Variants in GRAMD1B observed in about 807,000 individuals in gnomAD.
GRAMD1B encodes the protein GRAM domain containing 1B.
A neutral mutation model predicts 99.7 loss-of-function variants in GRAMD1B; 37 were observed. The observed-to-expected ratio is 0.37, with a 90% CI of 0.29 to 0.49. The LOEUF is 0.49. Ranked by LOEUF, GRAMD1B falls within the 20% of genes least tolerant of loss-of-function variation. GRAMD1B has a pLI of 0.98. For synonymous variants in GRAMD1B, 427 were observed against 387.6 expected (o/e 1.10, Z -1.19); for missense variants, 888 against 1,009.2 (o/e 0.88, Z 1.63).
intron 2 of GRAMD1B, among the ~76,000 whole-genome samples, chr11:123,531,662 A>G (rs879542764): frequency 5.9e-5 from 9 of 151,266 alleles, no homozygotes; most frequent in Non-Finnish European, 1.2e-4. Flanking sequence ...TCTTCGGAAG[A>G]CTGGACATTT....
rs796897213 is a variant in GRAMD1B at position 123,563,506 on chromosome 11, CT to C, written c.453-13847del. ...AGTGCAATATAACAGAGGGTTTTTT[CT>C]TTTTTTTTTTTTTCTTTTTTTTGAG... is the stretch of plus-strand genomic sequence containing the variant. On this transcript the variant is annotated intron_variant, in intron 2 of 19. Transcript: ENST00000635736. Among the ~76,000 whole-genome samples the C allele has an allele frequency of 1.1e-3, 155 of 140,866 alleles. 1 individual carries two copies. The highest frequency in any genetic ancestry group is 5.5e-3 in the South Asian group (24 of 4,378). 92.4% of individuals were successfully genotyped at this position (140,866 alleles called of 152,430 possible). A position where few individuals can be genotyped will look rare whatever the true frequency, so the allele number is the denominator to read the frequency against.
intron 3 of GRAMD1B, among the ~76,000 whole-genome samples, chr11:123,580,297 A>C (rs1269353829): frequency 2.6e-5 from 4 of 152,198 alleles, no homozygotes; most frequent in African/African-American, 9.6e-5. Context: ...ATGGTGCGGC[A>C]AAAAGAGGAG....
chr11:123,568,471 A>G (rs1450966883), intron 2 of GRAMD1B, among the ~76,000 whole-genome samples: 3 of 152,220 alleles, frequency 2.0e-5, no homozygotes, highest in Admixed American at 2.0e-4. Flanking sequence ...CCATTTGGAA[A>G]GGCCTCCAGG....
At chr11:123,378,439 A>AGTGCACT (rs1192070674) in intron 1 of GRAMD1B, among the ~76,000 whole-genome samples, 1 of 152,190 alleles carries the variant, frequency 6.6e-6, no homozygotes, top group East Asian at 1.9e-4. Context: ...TGCACTGTCT[A>AGTGCACT]AGGCTTTTAT....
At chr11:123,579,872 A>G (rs1157763889) in intron 3 of GRAMD1B, among the ~76,000 whole-genome samples, 1 of 152,190 alleles carries the variant, frequency 6.6e-6, no homozygotes, top group African/African-American at 2.4e-5. Context: ...AGATGCTAAA[A>G]GGAGACATAA....
intron 8 of GRAMD1B, among the ~76,000 whole-genome samples, chr11:123,602,780 T>C (rs1952146720): frequency 6.6e-6 from 1 of 152,206 alleles, no homozygotes; most frequent in Non-Finnish European, 1.5e-5. Flanking sequence ...AACTAATGCA[T>C]AGAACTGCAG....
At chr11:123,514,196 T>C (rs1941448417) in intron 2 of GRAMD1B, among the ~76,000 whole-genome samples, 1 of 152,154 alleles carries the variant, frequency 6.6e-6, no homozygotes, top group African/African-American at 2.4e-5. Flanking sequence ...CAAGAAGAAT[T>C]ACTTGACTGG....
intron 1 of GRAMD1B, among the ~76,000 whole-genome samples, chr11:123,415,923 G>A (rs1027066578): frequency 6.6e-6 from 1 of 152,158 alleles, no homozygotes; most frequent in Non-Finnish European, 1.5e-5. Flanking sequence ...ATCTGCCATT[G>A]CAGTAGCTCA....
chr11:123,439,699 C>T (rs1949321861), intron 1 of GRAMD1B, among the ~76,000 whole-genome samples: 1 of 152,156 alleles, frequency 6.6e-6, no homozygotes, highest in African/African-American at 2.4e-5. Flanking sequence ...AGGGTCAGAG[C>T]TGAAACTCAG....
At chr11:123,518,659 G>A (rs919949212) in intron 2 of GRAMD1B, among the ~76,000 whole-genome samples, 7 of 152,150 alleles carry the variant, frequency 4.6e-5, no homozygotes, top group African/African-American at 7.2e-5. Flanking sequence ...CTAAGCCTGC[G>A]TGTCTTGTGT....
At chr11:123,377,416 G>A (rs1591379805) in intron 1 of GRAMD1B, among the ~76,000 whole-genome samples, 2 of 152,296 alleles carry the variant, frequency 1.3e-5, no homozygotes, top group East Asian at 3.9e-4. Flanking sequence ...TGCGTGGTGG[G>A]TGCAGGAAAA....
At chr11:123,370,194 A>G (rs1469309827) in intron 1 of GRAMD1B, among the ~76,000 whole-genome samples, 3 of 151,536 alleles carry the variant, frequency 2.0e-5, no homozygotes, top group Admixed American at 2.0e-4. Context: ...GCATGCCTGT[A>G]AGTCCTAGCT....
intron 1 of GRAMD1B, among the ~76,000 whole-genome samples, chr11:123,398,795 A>G (rs1434258716): frequency 6.6e-6 from 1 of 152,206 alleles, no homozygotes; most frequent in Non-Finnish European, 1.5e-5. Flanking sequence ...AAAGCTGTAC[A>G]TATTTAATGT....
chr11:123,613,682 C>T (rs377541410), intron 16 of GRAMD1B, 24 bp downstream of exon 16: 67 of 1,590,154 alleles, frequency 4.2e-5, no homozygotes, highest in Non-Finnish European at 5.1e-5. Context: ...GGGGACAGGT[C>T]GGGTGGACTA....
At chr11:123,574,077 A>T (rs930833283) in intron 2 of GRAMD1B, among the ~76,000 whole-genome samples, 5 of 107,618 alleles carry the variant, frequency 4.6e-5, no homozygotes, top group African/African-American at 1.2e-4. Flanking sequence ...GAACAGAATT[A>T]AAAAAAAAAA....
intron 1 of GRAMD1B, among the ~76,000 whole-genome samples, chr11:123,466,351 AAAG>A (rs1173862669): frequency 2.1e-4 from 28 of 134,290 alleles, no homozygotes; most frequent in African/African-American, 8.0e-4. Context: ...GGAAGGAAGG[AAAG>A]AAGGAAGGAA....
intron 1 of GRAMD1B, among the ~76,000 whole-genome samples, chr11:123,467,430 GGTT>G (rs1396392186): frequency 2.7e-5 from 3 of 113,196 alleles, no homozygotes; most frequent in African/African-American, 1.0e-4. Flanking sequence ...GACTTTCACT[GGTT>G]GTGCCTAAAT....
chr11:123,542,052 T>G (rs1295872505), intron 2 of GRAMD1B, among the ~76,000 whole-genome samples: 1 of 152,256 alleles, frequency 6.6e-6, no homozygotes, highest in Non-Finnish European at 1.5e-5. Flanking sequence ...CCCATATTTT[T>G]CATTAGCTTT....
intron 2 of GRAMD1B, among the ~76,000 whole-genome samples, chr11:123,567,629 G>T (rs1421668837): frequency 3.3e-5 from 5 of 152,178 alleles, no homozygotes. Context: ...TTGTCTCCAT[G>T]GAAATGAAAA....
Sources: allele counts gnomAD v4.1 joint callset (sites outside exome capture counted in the v4.1 genomes callset), GRCh38; gene constraint gnomAD v4.1.1; transcripts MANE v1.5; gene names NCBI Gene and HGNC (gene_info 2026-07-23, HGNC 2026-07-21).